Variants in DCAF12 observed in about 807,000 individuals in gnomAD.
The protein encoded by DCAF12 is DDB1- and CUL4-associated factor 12.
A neutral mutation model predicts 52.8 loss-of-function variants in DCAF12; 28 were observed. The observed-to-expected ratio is 0.53, with a 90% confidence interval of 0.39 to 0.73. The LOEUF is 0.73. DCAF12 is among the 30% of genes least tolerant of loss of function. DCAF12 has a pLI of 0.00. For missense variants in DCAF12, 425 were observed against 552.2 expected (o/e 0.77, Z 2.31); for synonymous variants, 196 against 215.5 (o/e 0.91, Z 0.79).
chr9:34,108,069 T>C (rs2131435336), intron 2 of DCAF12, among the ~76,000 whole-genome samples: 1 of 152,348 alleles, frequency 6.6e-6, no homozygotes, highest in East Asian at 1.9e-4. Context: ...ATCTCATGGC[T>C]GTTCTCTATA....
chr9:34,086,792 G>T lies in DCAF12; in HGVS notation c.*1558C>A, dbSNP rs1268950744. On this transcript the variant is annotated 3_prime_UTR_variant, in exon 9 of 9. Coordinates refer to ENST00000361264, the MANE Select transcript of DCAF12 (RefSeq NM_015397.4). ...CAGTAGCCCCCCACCATTAAAAGGAGAATATATATATAATTTTTTTTCCAA... is the reference window on the plus strand; with the variant it reads ...CAGTAGCCCCCCACCATTAAAAGGATAATATATATATAATTTTTTTTCCAA... The T allele has an allele frequency of 6.6e-6, 1 of 152,064 alleles. No individual in the cohort carries two copies. The highest frequency in any genetic ancestry group is 6.6e-5 in the Admixed American group (1 of 15,238). 9.4% of individuals were successfully genotyped at this position (152,064 alleles called of 1,614,324 possible).
At chr9:34,101,935 G>A (rs1423044047) in intron 4 of DCAF12, among the ~76,000 whole-genome samples, 1 of 151,472 alleles carries the variant, frequency 6.6e-6, no homozygotes, top group Non-Finnish European at 1.5e-5. Flanking sequence ...AGGATAGCTT[G>A]AGCCTGGGAA....
In DCAF12 at chr9:34,098,469, A is replaced by G. The variant is rs200588738; in HGVS notation, c.650T>C (p.Leu217Ser). Residue 217 changes from leucine (L) to serine (S), a missense_variant, in exon 5 of 9, where the codon TTG becomes TCG. Leu to Ser is a moderately radical substitution (Grantham distance 145). Coordinates refer to ENST00000361264, the MANE Select transcript of DCAF12 (RefSeq NM_015397.4). Reference protein sequence around the residue: ...MGLWEVTDDVLTKSDARHNVS... With the variant: ...MGLWEVTDDVSTKSDARHNVS... The stretch of plus-strand genomic sequence containing the variant: ...ATTGTGTCTCGCATCACTTTTGGTC[A>G]AAACATCATCTGTCACCTCCCAGAG... The G allele has an allele frequency of 1.3e-4, 215 of 1,613,998 alleles. No individual in the cohort carries two copies. Among genetic ancestry groups the G allele is most frequent in the Admixed American group, 5.0e-5 (3 of 59,988 alleles).
intron 2 of DCAF12, among the ~76,000 whole-genome samples, chr9:34,123,897 C>T (rs1829209865): frequency 6.6e-6 from 1 of 150,906 alleles, no homozygotes; most frequent in African/African-American, 2.4e-5. Flanking sequence ...GTTGCCACCA[C>T]TTAGTTTTGA....
In DCAF12 at chr9:34,126,689, C is replaced by G. The variant is rs1271550408; in HGVS notation, c.-258G>C. 2 of 554,218 alleles carry G rather than the reference C, an allele frequency of 3.6e-6. No individual in the cohort carries two copies. The highest frequency in any genetic ancestry group is 2.3e-5 in the South Asian group (1 of 44,096). 34.3% of individuals were successfully genotyped at this position (554,218 alleles called of 1,614,324 possible). ...CGGCAGAGCCTGCAAGGACGGCGAGCGGCTAGAACCAAAACACCCCCTCCC... is the reference window on the plus strand; with the variant it reads ...CGGCAGAGCCTGCAAGGACGGCGAGGGGCTAGAACCAAAACACCCCCTCCC... On this transcript the variant is annotated 5_prime_UTR_variant, in exon 1 of 9. Transcript: ENST00000361264.
Position 34,126,614 on chromosome 9 carries a change from G to A in DCAF12, c.-183C>T, listed in dbSNP as rs968221296. 19 of 668,310 alleles carry A rather than the reference G, an allele frequency of 2.8e-5. No individual in the cohort carries two copies. The Admixed American group carries it at 3.4e-4, about 12-fold the overall frequency. The allele number at this position is 668,310 out of a possible 1,614,324, so 41.4% of individuals were successfully genotyped here. On this transcript the variant is annotated 5_prime_UTR_variant, in exon 1 of 9. Transcript: ENST00000361264. Reference sequence around the variant, plus strand: ...CGGAAAGAAAGGAAAGAGAGAGGAAGGACTTGAGCCGGGAAAGGGAAGGGG... The same window carrying A: ...CGGAAAGAAAGGAAAGAGAGAGGAAAGACTTGAGCCGGGAAAGGGAAGGGG...
chr9:34,126,475 G>T lies in DCAF12; in HGVS notation c.-44C>A. ...GGCCCCGCAGCCACATGGGGCGGGG[G>T]AAGCGAAGGATAGCAGGACGGCGGG... is the stretch of plus-strand genomic sequence containing the variant. On this transcript the variant is annotated 5_prime_UTR_variant, in exon 1 of 9. Coordinates refer to ENST00000361264, the MANE Select transcript of DCAF12 (RefSeq NM_015397.4). 6.3e-7 allele frequency: 1 copy of T among 1,587,162 alleles called. No individual in the cohort carries two copies. Among genetic ancestry groups the T allele is most frequent in the Non-Finnish European group, 8.5e-7 (1 of 1,172,502 alleles).
rs145472399 is a variant in DCAF12, at chr9:34,116,806, C to T, written c.333+8217G>A. 1.0e-2 allele frequency among the ~76,000 whole-genome samples: 1,517 copies of T among 152,276 alleles called. 16 individuals carry two copies. Among genetic ancestry groups the T allele is most frequent in the Non-Finnish European group, 0.015 (1,049 of 68,022 alleles). ...GACCATCCTGGCCAACATGGCGAAA[C>T]GCCATCTCTACTAAAAATACATAAA... On this transcript the variant is annotated intron_variant, in intron 2 of 8. Coordinates refer to ENST00000361264, the MANE Select transcript of DCAF12 (RefSeq NM_015397.4).
At chr9:34,110,128 G>A (rs542727240) in intron 2 of DCAF12, among the ~76,000 whole-genome samples, 35 of 152,004 alleles carry the variant, frequency 2.3e-4, no homozygotes, top group African/African-American at 8.0e-4. Context: ...GGGGGAAGAA[G>A]GGGACAAACC....
intron 7 of DCAF12, among the ~76,000 whole-genome samples, chr9:34,090,546 T>A (rs984237793): frequency 1.3e-5 from 2 of 152,190 alleles, no homozygotes; most frequent in Non-Finnish European, 2.9e-5. Context: ...ACATAAGAAC[T>A]GGATAATATT....
intron 2 of DCAF12, among the ~76,000 whole-genome samples, chr9:34,119,041 G>A (rs1326303663): frequency 6.6e-6 from 1 of 152,100 alleles, no homozygotes; most frequent in Non-Finnish European, 1.5e-5. Flanking sequence ...ATTAAGACTT[G>A]AGGACCAGGA....
At chr9:34,090,814 C>G (rs1205585227) in intron 7 of DCAF12, among the ~76,000 whole-genome samples, 2 of 151,780 alleles carry the variant, frequency 1.3e-5, no homozygotes, top group Non-Finnish European at 2.9e-5. Flanking sequence ...GCTACCACCC[C>G]CAGCTAATTT....
chr9:34,115,597 CAAA>C (rs546868535), intron 2 of DCAF12, among the ~76,000 whole-genome samples: 1 of 137,100 alleles, frequency 7.3e-6, no homozygotes. Flanking sequence ...GACTTCGTCT[CAAA>C]AAAAAAAAAG....
At chr9:34,104,547 T>G (rs920936959) in intron 4 of DCAF12, among the ~76,000 whole-genome samples, 1 of 152,182 alleles carries the variant, frequency 6.6e-6, no homozygotes, top group Non-Finnish European at 1.5e-5. Context: ...TAGATAACTG[T>G]GTTTCAGAAG....
chr9:34,106,936 C>G (rs897838111), intron 3 of DCAF12, among the ~76,000 whole-genome samples: 17 of 152,116 alleles, frequency 1.1e-4, no homozygotes, highest in African/African-American at 4.1e-4. Flanking sequence ...TGGCACTTAT[C>G]ACACTCTGAT....
intron 7 of DCAF12, among the ~76,000 whole-genome samples, chr9:34,091,454 T>C (rs1017941153): frequency 6.6e-6 from 1 of 151,578 alleles, no homozygotes; most frequent in Non-Finnish European, 1.5e-5. Context: ...CTGGGCAACA[T>C]GATGAGAACC....
chr9:34,126,514 C>T lies in DCAF12; in HGVS notation c.-83G>A. The T allele has an allele frequency of 6.8e-7, 1 of 1,472,276 alleles. No homozygotes were observed. Among genetic ancestry groups the T allele is most frequent in the South Asian group, 1.2e-5 (1 of 80,012 alleles). The allele number at this position is 1,472,276 out of a possible 1,614,324, so 91.2% of individuals were successfully genotyped here. On this transcript the variant is annotated 5_prime_UTR_variant, in exon 1 of 9. Transcript: ENST00000361264. ...CAGGACGGCGGGTCATATACTGGGCCCCGGGGCCGCGCACCTTAGTGCGCC... is the reference window on the plus strand; with the variant it reads ...CAGGACGGCGGGTCATATACTGGGCTCCGGGGCCGCGCACCTTAGTGCGCC...
Position 34,098,505 on chromosome 9 carries a change from C to T in DCAF12, c.614G>A (p.Gly205Asp), listed in dbSNP as rs1171781675. ...TGTCACCTCCCAGAGTCCCATAGAA[C>T]CATCACGTGAGCCTGCAGGGCCAGG... ...DTMAVSGSRDGSMGLWEVTDD... is the reference protein window; with the variant it reads ...DTMAVSGSRDDSMGLWEVTDD... Residue 205 changes from glycine (G) to aspartate (D), a missense_variant, in exon 5 of 9, where the codon GGT becomes GAT. By Grantham distance (94) the Gly-to-Asp change is moderately conservative. Coordinates refer to ENST00000361264, the MANE Select transcript of DCAF12 (RefSeq NM_015397.4). The T allele has an allele frequency of 6.2e-7, 1 of 1,613,174 alleles. No homozygotes were observed. Among genetic ancestry groups the T allele is most frequent in the Non-Finnish European group, 8.5e-7 (1 of 1,179,624 alleles).
intron 2 of DCAF12, among the ~76,000 whole-genome samples, chr9:34,118,240 T>C (rs1248339757): frequency 6.6e-6 from 1 of 152,168 alleles, no homozygotes; most frequent in Admixed American, 6.5e-5. Context: ...TTCAAGCGAC[T>C]GTCCTGACTC....
Sources: allele counts gnomAD v4.1 joint callset (sites outside exome capture counted in the v4.1 genomes callset), GRCh38; gene constraint gnomAD v4.1.1; transcripts MANE v1.5; gene names NCBI Gene and HGNC (gene_info 2026-07-23, HGNC 2026-07-21).